PTPN4: variants seen among roughly 807,000 people sequenced by gnomAD.
The protein encoded by PTPN4 is tyrosine-protein phosphatase non-receptor type 4.
A neutral mutation model predicts 135.5 loss-of-function variants in PTPN4; 49 were observed. The ratio of observed to expected loss-of-function variants is 0.36; its 90% CI spans 0.29 to 0.46. PTPN4 has a LOEUF of 0.46. Ranked by LOEUF, PTPN4 falls within the 20% of genes least tolerant of loss-of-function variation. The probability of loss-of-function intolerance (pLI) is 1.00; values close to 1 mark genes in which losing one functional copy is unlikely to be tolerated. For missense variants in PTPN4, 860 were observed against 1,101.0 expected (o/e 0.78, Z 3.10); for synonymous variants, 333 against 369.9 (o/e 0.90, Z 1.14).
chr2:119,967,998 T>TG, intron 26 of PTPN4, 26 bp downstream of exon 26: 2 of 1,476,352 alleles, frequency 1.4e-6, no homozygotes, highest in South Asian at 2.8e-5. Context: ...TATATACAAG[T>TG]GTATATTCTT....
At chr2:119,829,376 T>C (rs1292455736) in intron 2 of PTPN4, among the ~76,000 whole-genome samples, 2 of 152,232 alleles carry the variant, frequency 1.3e-5, no homozygotes, top group Non-Finnish European at 2.9e-5. Context: ...ATATATACAA[T>C]TCAGTGGTAT....
At chr2:119,812,004 T>C (rs1275168739) in intron 2 of PTPN4, among the ~76,000 whole-genome samples, 3 of 152,134 alleles carry the variant, frequency 2.0e-5, no homozygotes, top group Non-Finnish European at 4.4e-5. Flanking sequence ...AGAAACTTTC[T>C]CTACCATTAT....
In PTPN4 at chr2:119,973,655, G is replaced by GTTTTTTTTTTTTTTTTTTTTTT. The variant is rs70949378; in HGVS notation, c.2695-3323_2695-3302dup. On this transcript the variant is annotated intron_variant, in intron 26 of 26. Transcript: ENST00000263708. ...TTGAAAGCTTCCTCCTTCATTTCTT[G>GTTTTTTTTTTTTTTTTTTTTTT]TTTTTTTTTTTTTTTTTTTTTTTTT... Among the ~76,000 whole-genome samples, 57 of 38,388 alleles carry GTTTTTTTTTTTTTTTTTTTTTT rather than the reference G, an allele frequency of 1.5e-3. 15 individuals are homozygous for GTTTTTTTTTTTTTTTTTTTTTT. Among genetic ancestry groups the GTTTTTTTTTTTTTTTTTTTTTT allele is most frequent in the Admixed American group, 1.8e-3 (4 of 2,280 alleles). 25.2% of individuals were successfully genotyped at this position (38,388 alleles called of 152,430 possible).
chr2:119,906,464 G>A (rs187634004), intron 10 of PTPN4, among the ~76,000 whole-genome samples: 13 of 152,258 alleles, frequency 8.5e-5, no homozygotes, highest in African/African-American at 2.9e-4. Context: ...GTATCTACAC[G>A]TGATCAAGTG....
At chr2:119,956,450 A>G (rs1297628741) in intron 20 of PTPN4, among the ~76,000 whole-genome samples, 2 of 152,078 alleles carry the variant, frequency 1.3e-5, no homozygotes, top group African/African-American at 4.8e-5. Flanking sequence ...TATATGTTAT[A>G]GGTAAGTGTT....
intron 2 of PTPN4, among the ~76,000 whole-genome samples, chr2:119,831,470 T>A (rs1447392645): frequency 6.6e-6 from 1 of 152,224 alleles, no homozygotes; most frequent in African/African-American, 2.4e-5. Flanking sequence ...AAGCACCACG[T>A]TGTCTTATAG....
chr2:119,905,234 G>A lies in PTPN4; in HGVS notation c.764+4428G>A, dbSNP rs114783743. 3.2e-3 allele frequency among the ~76,000 whole-genome samples: 491 copies of A among 152,222 alleles called. 2 individuals carry two copies. The highest frequency in any genetic ancestry group is 0.011 in the African/African-American group (465 of 41,546). On this transcript the variant is annotated intron_variant, in intron 10 of 26. Transcript: ENST00000263708. Reference sequence around the variant, plus strand: ...GTAAAAAAAGAAGACCGAATTCTATGCTACCTACAAGAAACTCAACTTCAC... The same window carrying A: ...GTAAAAAAAGAAGACCGAATTCTATACTACCTACAAGAAACTCAACTTCAC...
chr2:119,962,842 T>C, intron 24 of PTPN4, 98 bp downstream of exon 24: 1 of 1,047,732 alleles, frequency 9.5e-7, no homozygotes, highest in Non-Finnish European at 1.3e-6. Flanking sequence ...TGCTAGGAAA[T>C]ACTATAAGAA....
At chr2:119,936,121 AC>A (rs1476458922) in intron 15 of PTPN4, among the ~76,000 whole-genome samples, 1 of 151,388 alleles carries the variant, frequency 6.6e-6, no homozygotes, top group Non-Finnish European at 1.5e-5. Context: ...TCCTGCCTCA[AC>A]CTCCCGAGTA....
intron 3 of PTPN4, among the ~76,000 whole-genome samples, chr2:119,874,523 A>T (rs1214484933): frequency 6.6e-6 from 1 of 152,196 alleles, no homozygotes; most frequent in African/African-American, 2.4e-5. Flanking sequence ...ACAAAAGGCA[A>T]CCTGTTGTAT....
At chr2:119,947,833 G>C (rs1441542945) in intron 18 of PTPN4, among the ~76,000 whole-genome samples, 1 of 151,362 alleles carries the variant, frequency 6.6e-6, no homozygotes, top group African/African-American at 2.4e-5. Flanking sequence ...TAGAAATTGT[G>C]TAACTACCTA....
chr2:119,886,978 CT>C (rs966084406), intron 9 of PTPN4, among the ~76,000 whole-genome samples: 38 of 145,442 alleles, frequency 2.6e-4, no homozygotes, highest in Admixed American at 4.1e-4. Context: ...CTTCAGCTTT[CT>C]TTTTTTTTTT....
intron 13 of PTPN4, among the ~76,000 whole-genome samples, chr2:119,927,003 C>A (rs1287466628): frequency 6.6e-6 from 1 of 151,770 alleles, no homozygotes; most frequent in Non-Finnish European, 1.5e-5. Flanking sequence ...GTTATCAAGC[C>A]ATTTCCATAT....
chr2:119,810,773 T>C (rs1436311685), intron 2 of PTPN4, among the ~76,000 whole-genome samples: 1 of 152,208 alleles, frequency 6.6e-6, no homozygotes, highest in East Asian at 1.9e-4. Flanking sequence ...TTTACCTAAA[T>C]TGACCCAGTG....
chr2:119,930,533 C>T (rs925852805), intron 13 of PTPN4, among the ~76,000 whole-genome samples: 4 of 152,076 alleles, frequency 2.6e-5, no homozygotes, highest in Non-Finnish European at 5.9e-5. Context: ...GATACAGAAA[C>T]ATAAGAGGTC....
chr2:119,848,665 A>G (rs972539745), intron 2 of PTPN4, among the ~76,000 whole-genome samples: 4 of 151,842 alleles, frequency 2.6e-5, no homozygotes, highest in African/African-American at 4.8e-5. Context: ...CAGTGATGCA[A>G]TCTCGGCTCA....
chr2:119,855,606 A>G (rs1677664718), intron 2 of PTPN4, among the ~76,000 whole-genome samples: 1 of 152,142 alleles, frequency 6.6e-6, no homozygotes, highest in Non-Finnish European at 1.5e-5. Context: ...AAAAGGATCC[A>G]CCTGACAAGT....
At chr2:119,847,880 G>C (rs1423058658) in intron 2 of PTPN4, among the ~76,000 whole-genome samples, 1 of 152,132 alleles carries the variant, frequency 6.6e-6, no homozygotes, top group Admixed American at 6.5e-5. Context: ...GCCTCTTTCA[G>C]TGCTTTGAAT....
At chr2:119,785,624 AT>A (rs1414786130) in intron 1 of PTPN4, among the ~76,000 whole-genome samples, 1 of 152,058 alleles carries the variant, frequency 6.6e-6, no homozygotes, top group Non-Finnish European at 1.5e-5. Flanking sequence ...TCTCAGCTTT[AT>A]TGTGAAAACT....
Sources: allele counts gnomAD v4.1 joint callset (sites outside exome capture counted in the v4.1 genomes callset), GRCh38; gene constraint gnomAD v4.1.1; transcripts MANE v1.5; gene names NCBI Gene and HGNC (gene_info 2026-07-23, HGNC 2026-07-21).